SYT14: variants seen among roughly 807,000 people sequenced by gnomAD.
SYT14 encodes synaptotagmin 14.
In SYT14, 32 loss-of-function variants were observed where a neutral mutation model predicts 74.2. The ratio of observed to expected loss-of-function variants is 0.43; its 90% CI spans 0.33 to 0.58. The LOEUF (loss-of-function observed/expected upper bound fraction) is 0.58, where lower values mean the gene tolerates loss of function less well. SYT14 is among the 20% of genes least tolerant of loss of function. The pLI is 0.05. For synonymous variants in SYT14, 298 were observed against 337.7 expected, an observed-to-expected ratio of 0.88 and a Z score of 1.29; for missense variants, 791 against 981.8, an observed-to-expected ratio of 0.81 and a Z score of 2.60.
intron 7 of SYT14, among the ~76,000 whole-genome samples, chr1:210,124,252 A>T (rs10863811): frequency 0.46 from 70,083 of 151,516 alleles, 17,827 homozygotes; most frequent in South Asian, 0.58. Context: ...ATGAAAAAAA[A>T]AAATAAATAA....
exon 10 of SYT14, chr1:210,162,395 G>GGC (rs1207615731): frequency 2.5e-6 from 1 of 406,704 alleles, no homozygotes; most frequent in Admixed American, 3.1e-5. Context: ...ACTTTTTAAT[G>GGC]GCAAGGCACT....
chr1:209,954,742 G>A (rs1404843133), intron 2 of SYT14, among the ~76,000 whole-genome samples: 1 of 143,962 alleles, frequency 6.9e-6, no homozygotes, highest in Admixed American at 7.1e-5. Flanking sequence ...GATTCTCACT[G>A]TCTCCCAGGC....
Position 210,020,994 on chromosome 1 carries a change from AT to A in SYT14, c.1097-36del, listed in dbSNP as rs200275636. The A allele has an allele frequency of 1.4e-3, 2,139 of 1,545,588 alleles. 21 individuals carry two copies. In the African/African-American group the frequency reaches 0.023, roughly 17 times the overall value. ...CAGTAGGGCCAGGTGAGGGGAGGGA[AT>A]TTTTTTTTCAATTACCGTTTGTTCT... On this transcript the variant is annotated intron_variant, in intron 4 of 9. Coordinates refer to ENST00000637265, the Ensembl canonical transcript of SYT14.
rs866760114 is a variant in SYT14 at position 209,990,539 on chromosome 1, G to A, written c.-485-23094G>A. On this transcript the variant is annotated intron_variant, in intron 2 of 9. Transcript: ENST00000637265. ...GAATATTTCACATATATATATATAC[G>A]TATATATATGTATATATATACGTAT... Among the ~76,000 whole-genome samples, 63 of 24,716 alleles carry A rather than the reference G, an allele frequency of 2.5e-3. 1 individual carries two copies. The highest frequency in any genetic ancestry group is 0.016 in the African/African-American group (62 of 3,768). The allele number at this position is 24,716 out of a possible 152,430, so 16.2% of individuals were successfully genotyped here. A position where few individuals can be genotyped will look rare whatever the true frequency, so the allele number is the denominator to read the frequency against.
chr1:210,010,298 T>G (rs923707727), intron 2 of SYT14, among the ~76,000 whole-genome samples: 3 of 152,132 alleles, frequency 2.0e-5, no homozygotes, highest in Non-Finnish European at 2.9e-5. Flanking sequence ...ACACATACAT[T>G]CATTCATTCA....
intron 7 of SYT14, among the ~76,000 whole-genome samples, chr1:210,101,910 C>A (rs2082074323): frequency 6.6e-6 from 1 of 151,608 alleles, no homozygotes. Context: ...ACATTCATTT[C>A]ACAAAGAGAA....
At chr1:210,169,929 T>C (rs1031500616) in exon 10 of SYT14, 1 of 152,072 alleles carries the variant, frequency 6.6e-6, no homozygotes, top group Middle Eastern at 3.1e-3. Flanking sequence ...CTCTTCTTTC[T>C]TCCTTCCTTC....
At chr1:210,063,122 C>T (rs543719610) in intron 5 of SYT14, among the ~76,000 whole-genome samples, 1 of 149,802 alleles carries the variant, frequency 6.7e-6, no homozygotes. Context: ...GATTATATGT[C>T]ACGTTCAGAA....
At chr1:209,979,794 T>A (rs756875362) in intron 2 of SYT14, among the ~76,000 whole-genome samples, 2 of 152,226 alleles carry the variant, frequency 1.3e-5, no homozygotes, top group Non-Finnish European at 2.9e-5. Context: ...TTTTTTCTTT[T>A]TATGGCTGCA....
intron 7 of SYT14, among the ~76,000 whole-genome samples, chr1:210,125,375 C>G (rs1176265222): frequency 6.6e-6 from 1 of 152,152 alleles, no homozygotes; most frequent in Non-Finnish European, 1.5e-5. Flanking sequence ...GGTGTTGCTG[C>G]AAAGGATATG....
At chr1:210,149,676 C>G (rs4844508) in intron 7 of SYT14, among the ~76,000 whole-genome samples, 1 of 152,022 alleles carries the variant, frequency 6.6e-6, no homozygotes. Flanking sequence ...TTTTCTACTT[C>G]TATTGTAGCT....
rs191032822 is a variant in SYT14, at chr1:210,078,183, G to A, written c.1313-16139G>A. Among the ~76,000 whole-genome samples the A allele has an allele frequency of 3.4e-3, 513 of 151,570 alleles. 4 individuals carry two copies. Among genetic ancestry groups the A allele is most frequent in the African/African-American group, 0.012 (479 of 41,332 alleles). On this transcript the variant is annotated intron_variant, in intron 5 of 9. Coordinates refer to ENST00000637265, the Ensembl canonical transcript of SYT14. ...AAATTAGCCGGGCGTGGTAGCGGGCGCCTGTAGTCCCAGCTACTCGGGAGG... is the reference window on the plus strand; with the variant it reads ...AAATTAGCCGGGCGTGGTAGCGGGCACCTGTAGTCCCAGCTACTCGGGAGG...
intron 7 of SYT14, among the ~76,000 whole-genome samples, chr1:210,115,631 G>A (rs1167057741): frequency 1.3e-5 from 2 of 150,882 alleles, no homozygotes; most frequent in Non-Finnish European, 2.9e-5. Context: ...TGGCGGCAAG[G>A]TTGAAAGGAG....
chr1:209,962,749 A>G (rs561758177), intron 2 of SYT14, among the ~76,000 whole-genome samples: 5 of 152,252 alleles, frequency 3.3e-5, no homozygotes, highest in South Asian at 2.1e-4. Context: ...AGATTATATT[A>G]TGGAGGTCAT....
Position 210,055,653 on chromosome 1 carries a change from C to CA in SYT14, c.1312+34410dup, listed in dbSNP as rs557686013. ...TCAACATAATGAAACCGCATCTCTA[C>CA]AAAAAAAAAAATACAAAGAATTAGC... On this transcript the variant is annotated intron_variant, in intron 5 of 9. Transcript: ENST00000637265. 9.4e-4 allele frequency among the ~76,000 whole-genome samples: 127 copies of CA among 134,606 alleles called. 2 individuals carry two copies. In the Middle Eastern group the frequency reaches 0.021, roughly 22 times the overall value. 88.3% of individuals were successfully genotyped at this position (134,606 alleles called of 152,430 possible). A position where few individuals can be genotyped will look rare whatever the true frequency, so the allele number is the denominator to read the frequency against.
In SYT14 at chr1:210,155,678, T is replaced by C. The variant is rs1251317826; in HGVS notation, c.2035-43T>C. 3.1e-6 allele frequency: 5 copies of C among 1,598,684 alleles called. No individual in the cohort carries two copies. In the South Asian group the frequency reaches 5.5e-5, roughly 18 times the overall value. The stretch of plus-strand genomic sequence containing the variant: ...GCATAACAATATATCTCTTAATATA[T>C]CTCTCTTGCAAAATACTATAAAAAT... On this transcript the variant is annotated intron_variant, in intron 7 of 9. Coordinates refer to ENST00000637265, the Ensembl canonical transcript of SYT14.
At chr1:210,052,857 G>A (rs895996728) in intron 5 of SYT14, among the ~76,000 whole-genome samples, 1 of 151,740 alleles carries the variant, frequency 6.6e-6, no homozygotes, top group African/African-American at 2.4e-5. Flanking sequence ...CCCATTATAA[G>A]CTTATTTTCC....
At chr1:210,022,163 G>A (rs572624675) in intron 5 of SYT14, among the ~76,000 whole-genome samples, 1 of 152,064 alleles carries the variant, frequency 6.6e-6, no homozygotes, top group Admixed American at 6.5e-5. Context: ...AATGTTTTAG[G>A]GCCTATTACT....
At chr1:209,953,321 G>C in intron 2 of SYT14, 1 of 1,173,266 alleles carries the variant, frequency 8.5e-7, no homozygotes, top group Non-Finnish European at 1.1e-6. Context: ...GAAGAATCAG[G>C]AGAACCTTGG....
Sources: allele counts gnomAD v4.1 joint callset (sites outside exome capture counted in the v4.1 genomes callset), GRCh38; gene constraint gnomAD v4.1.1; transcripts MANE v1.5; gene names NCBI Gene and HGNC (gene_info 2026-07-23, HGNC 2026-07-21).